DNM3: variants seen among roughly 807,000 people sequenced by gnomAD.
The protein encoded by DNM3 is dynamin-3.
DNM3 carries 47 observed loss-of-function variants against 101.6 expected under a neutral mutation model. The ratio of observed to expected loss-of-function variants is 0.46; its 90% confidence interval spans 0.37 to 0.59. The LOEUF (loss-of-function observed/expected upper bound fraction) is 0.59. Among genes scored for constraint, DNM3 ranks in the 20% least tolerant of loss-of-function variants. The probability of loss-of-function intolerance (pLI) is 0.00; values close to 1 mark genes in which losing one functional copy is unlikely to be tolerated. For synonymous variants in DNM3, 385 were observed against 387.9 expected, an observed-to-expected ratio of 0.99 and a Z score of 0.09; for missense variants, 849 against 1,085.7, an observed-to-expected ratio of 0.78 and a Z score of 3.06.
chr1:172,082,665 C>T, intron 12 of DNM3, among the ~76,000 whole-genome samples: 1 of 152,102 alleles, frequency 6.6e-6, no homozygotes, highest in East Asian at 1.9e-4. Flanking sequence ...TGTACTTTTA[C>T]TTAAACTGAG....
intron 14 of DNM3, among the ~76,000 whole-genome samples, chr1:172,200,266 G>A (rs938934108): frequency 2.6e-5 from 4 of 152,038 alleles, no homozygotes; most frequent in African/African-American, 9.7e-5. Context: ...GTTTCAGCTG[G>A]GAGGTTCACT....
At chr1:171,994,251 TTTGTTGCTGTTTA>T (rs1463521412) in intron 4 of DNM3, among the ~76,000 whole-genome samples, 21 of 152,276 alleles carry the variant, frequency 1.4e-4, no homozygotes, top group African/African-American at 5.1e-4. Context: ...CCTTCCAGTT[TTTGTTGCTGTTTA>T]TTGTTGCTGC....
At chr1:172,013,583 C>T (rs2047261276) in intron 4 of DNM3, among the ~76,000 whole-genome samples, 1 of 151,890 alleles carries the variant, frequency 6.6e-6, no homozygotes, top group Non-Finnish European at 1.5e-5. Context: ...TTTCAGTGTA[C>T]ATAGGAAGAT....
intron 14 of DNM3, among the ~76,000 whole-genome samples, chr1:172,155,674 G>C (rs537316517): frequency 2.5e-4 from 38 of 152,034 alleles, no homozygotes; most frequent in Non-Finnish European, 5.1e-4. Flanking sequence ...CTCACTCCAT[G>C]AACATTTATC....
chr1:172,323,018 G>A (rs1197680940), intron 16 of DNM3, among the ~76,000 whole-genome samples: 2 of 152,056 alleles, frequency 1.3e-5, no homozygotes, highest in East Asian at 1.9e-4. Context: ...TTCTGGCCAC[G>A]TTCCCATACC....
At chr1:172,120,849 G>C (rs2056268310) in intron 13 of DNM3, among the ~76,000 whole-genome samples, 1 of 152,118 alleles carries the variant, frequency 6.6e-6, no homozygotes, top group East Asian at 1.9e-4. Context: ...TGGGGACTGT[G>C]CCTTTGTGTG....
intron 14 of DNM3, among the ~76,000 whole-genome samples, chr1:172,187,284 T>C (rs1355912832): frequency 3.9e-5 from 6 of 152,100 alleles, no homozygotes; most frequent in Non-Finnish European, 1.5e-5. Flanking sequence ...TCTCTTTTGG[T>C]TTATTTGTAA....
intron 1 of DNM3, among the ~76,000 whole-genome samples, chr1:171,904,327 A>G (rs1353324387): frequency 6.6e-6 from 1 of 152,058 alleles, no homozygotes; most frequent in Non-Finnish European, 1.5e-5. Context: ...AATAAAAATT[A>G]CCATAACTTG....
At chr1:172,194,959 A>T (rs909078372) in intron 14 of DNM3, among the ~76,000 whole-genome samples, 13 of 151,976 alleles carry the variant, frequency 8.6e-5, no homozygotes, top group African/African-American at 2.9e-4. Context: ...CCTAGTATTG[A>T]TGGTCTCTAC....
chr1:172,342,734 A>C (rs1029758844), intron 17 of DNM3, among the ~76,000 whole-genome samples: 1 of 152,184 alleles, frequency 6.6e-6, no homozygotes, highest in Non-Finnish European at 1.5e-5. Context: ...ATAAAAGTTA[A>C]AGGGAAAAAA....
intron 12 of DNM3, among the ~76,000 whole-genome samples, chr1:172,082,890 A>G (rs1198033037): frequency 6.6e-6 from 1 of 152,234 alleles, no homozygotes; most frequent in African/African-American, 2.4e-5. Context: ...TGTCCTAGCC[A>G]ATTGTGTAAA....
chr1:172,011,123 T>C (rs1472013665), intron 4 of DNM3, among the ~76,000 whole-genome samples: 1 of 151,950 alleles, frequency 6.6e-6, no homozygotes, highest in Non-Finnish European at 1.5e-5. Flanking sequence ...TATTAAAGAA[T>C]AGGTCCATGG....
chr1:172,183,832 T>C lies in DNM3; in HGVS notation c.1659+52544T>C, dbSNP rs1382930569. The stretch of plus-strand genomic sequence containing the variant: ...GGGTTTCACCAGGCTGATTTTGAAC[T>C]CCTGGGCTCAAGTGTTCCTTCTGCC... On this transcript the variant is annotated intron_variant, in intron 14 of 20. Coordinates refer to ENST00000627582, the MANE Select transcript of DNM3 (RefSeq NM_015569.5). Among the ~76,000 whole-genome samples, 3 of 134,214 alleles carry C rather than the reference T, an allele frequency of 2.2e-5. No individual in the cohort carries two copies. In the East Asian group the frequency reaches 6.9e-4, roughly 31 times the overall value. The allele number at this position is 134,214 out of a possible 152,430, so 88.0% of individuals were successfully genotyped here.
intron 15 of DNM3, among the ~76,000 whole-genome samples, chr1:172,286,918 C>G (rs1176705673): frequency 6.6e-6 from 1 of 152,176 alleles, no homozygotes; most frequent in Admixed American, 6.5e-5. Context: ...TACTTCAACT[C>G]CCAGTAATCA....
chr1:171,872,653 T>C (rs901140429), intron 1 of DNM3, among the ~76,000 whole-genome samples: 7 of 152,234 alleles, frequency 4.6e-5, no homozygotes, highest in African/African-American at 1.7e-4. Flanking sequence ...GGTTGTGCTC[T>C]GTCTGAGTCC....
intron 1 of DNM3, among the ~76,000 whole-genome samples, chr1:171,897,346 T>A (rs1041817453): frequency 2.0e-5 from 3 of 152,250 alleles, no homozygotes; most frequent in African/African-American, 7.2e-5. Flanking sequence ...ATTTAAAATT[T>A]ATACTATGTA....
chr1:172,375,946 C>A (rs2068577717), intron 17 of DNM3, among the ~76,000 whole-genome samples: 1 of 151,708 alleles, frequency 6.6e-6, no homozygotes, highest in African/African-American at 2.4e-5. Flanking sequence ...GAGCTATGAT[C>A]ACGCCACTGC....
chr1:172,275,877 A>G (rs985709521), intron 15 of DNM3, among the ~76,000 whole-genome samples: 3 of 152,164 alleles, frequency 2.0e-5, no homozygotes, highest in African/African-American at 7.2e-5. Flanking sequence ...AAATTAAGGA[A>G]GGCATGAAAG....
chr1:171,992,768 A>G (rs1189407994), intron 4 of DNM3, among the ~76,000 whole-genome samples: 1 of 151,884 alleles, frequency 6.6e-6, no homozygotes, highest in East Asian at 1.9e-4. Context: ...CTTTTTGTGT[A>G]TGTCCTATGT....
Sources: allele counts gnomAD v4.1 joint callset (sites outside exome capture counted in the v4.1 genomes callset), GRCh38; gene constraint gnomAD v4.1.1; transcripts MANE v1.5; gene names NCBI Gene and HGNC (gene_info 2026-07-23, HGNC 2026-07-21).